MAT2B: variants seen among roughly 807,000 people sequenced by gnomAD.
MAT2B encodes methionine adenosyltransferase 2 subunit beta.
In MAT2B, 16 loss-of-function variants were observed where a neutral mutation model predicts 36.1. That is an observed-to-expected ratio of 0.44 (90% CI 0.30 to 0.67). MAT2B has a LOEUF of 0.67. MAT2B is among the 30% of genes least tolerant of loss of function. The pLI, the probability that MAT2B is intolerant of heterozygous loss-of-function variation, is 0.09. For synonymous variants in MAT2B, 148 were observed against 136.9 expected (o/e 1.08, Z -0.57); for missense variants, 332 against 398.2 (o/e 0.83, Z 1.42).
upstream of MAT2B, chr5:163,503,408 C>T (rs1446462369): frequency 9.9e-6 from 16 of 1,613,964 alleles, no homozygotes; most frequent in Non-Finnish European, 1.4e-5. Context: ...CCTGAAATGC[C>T]AGAGGACATG....
At chr5:163,514,045 C>G (rs772187040) in intron 4 of MAT2B, 51 bp downstream of exon 4, 4 of 1,445,606 alleles carry the variant, frequency 2.8e-6, no homozygotes, top group Non-Finnish European at 3.8e-6. Context: ...CTTTAAAAAT[C>G]ATTTATACAT....
At chr5:163,504,701 C>T (rs1370534323), upstream of MAT2B, among the ~76,000 whole-genome samples, 1 of 152,206 alleles carries the variant, frequency 6.6e-6, no homozygotes, top group African/African-American at 2.4e-5. Context: ...GGCGTCCAGC[C>T]TGGCTGAGGA....
chr5:163,509,169 A>T (rs1253896728), intron 1 of MAT2B, among the ~76,000 whole-genome samples: 1 of 151,656 alleles, frequency 6.6e-6, no homozygotes, highest in Non-Finnish European at 1.5e-5. Context: ...GATTTTTTTT[A>T]AATTCATTTA....
In MAT2B at chr5:163,517,947, G is replaced by T. The variant is rs1760158222; in HGVS notation, c.835-246G>T. 3 of 499,270 alleles carry T rather than the reference G, an allele frequency of 6.0e-6. No individual in the cohort carries two copies. In the East Asian group the frequency reaches 9.2e-5, roughly 15 times the overall value. 30.9% of individuals were successfully genotyped at this position (499,270 alleles called of 1,614,324 possible). A position where few individuals can be genotyped will look rare whatever the true frequency, so the allele number is the denominator to read the frequency against. The stretch of plus-strand genomic sequence containing the variant: ...TTTCTTACACTAAGAGCAAAAATAA[G>T]TAGCAAATATAAAACCTCAAAATGG... On this transcript the variant is annotated intron_variant, in intron 6 of 6. Transcript: ENST00000321757.
chr5:163,518,195 T>TACTG lies in MAT2B; in HGVS notation c.840_843dup (p.Ser282Ter). 6.3e-7 allele frequency: 1 copy of TACTG among 1,586,066 alleles called. No individual in the cohort carries two copies. The highest frequency in any genetic ancestry group is 8.5e-7 in the Non-Finnish European group (1 of 1,169,698). On this transcript the variant is annotated frameshift_variant, in exon 7 of 7. Transcript: ENST00000321757. LOFTEE classifies it high-confidence loss of function. ...TTTGTGTTTATCTTTCTTTAAAGATTACTGACAGCCCTGTCCTAGGAGCAC... is the reference window on the plus strand; with the variant it reads ...TTTGTGTTTATCTTTCTTTAAAGATTACTGACTGACAGCCCTGTCCTAGGAGCAC...
At chr5:163,504,227 C>G (rs374467417), upstream of MAT2B, among the ~76,000 whole-genome samples, 1 of 152,026 alleles carries the variant, frequency 6.6e-6, no homozygotes, top group African/African-American at 2.4e-5. Flanking sequence ...CTCTTCCCGC[C>G]CTCTTCTTTG....
At chr5:163,515,834 G>C (rs1435042167) in intron 4 of MAT2B, among the ~76,000 whole-genome samples, 1 of 131,350 alleles carries the variant, frequency 7.6e-6, no homozygotes, top group East Asian at 2.6e-4. Flanking sequence ...GAGTGCAGTA[G>C]GGTGAACACA....
intron 1 of MAT2B, among the ~76,000 whole-genome samples, chr5:163,511,765 C>G (rs1760049403): frequency 6.6e-6 from 1 of 152,116 alleles, no homozygotes; most frequent in South Asian, 2.1e-4. Context: ...GTTACCCAGG[C>G]TGGTCTCAAG....
At position 163,519,300 on chromosome 5, in the gene MAT2B, GAAATA is replaced by G. The variant is rs1760184368; in HGVS notation, c.*941_*945del. On this transcript the variant is annotated 3_prime_UTR_variant, in exon 7 of 7. Transcript: ENST00000321757. ...AAAAGAATATAGTTTAATATGTATT[GAAATA>G]AAACACAATAAAATTAACACTTGAT... The G allele has an allele frequency of 6.6e-6, 1 of 150,860 alleles. No individual in the cohort carries two copies. Among genetic ancestry groups the G allele is most frequent in the South Asian group, 2.2e-4 (1 of 4,640 alleles). 9.3% of individuals were successfully genotyped at this position (150,860 alleles called of 1,614,324 possible).
upstream of MAT2B, among the ~76,000 whole-genome samples, chr5:163,505,019 TACA>T (rs34181789): frequency 0.031 from 4,707 of 152,262 alleles, 249 homozygotes; most frequent in African/African-American, 0.1. Flanking sequence ...TCCTTCCCCC[TACA>T]ACTTTTTATT....
Position 163,518,490 on chromosome 5 carries a change from G to C in MAT2B, c.*127G>C. On this transcript the variant is annotated 3_prime_UTR_variant, in exon 7 of 7. Transcript: ENST00000321757. ...GACTCTTAGGATCTTTCAGGTAAATGATGCTCTTGCACTAGTGAAATTGTC... is the reference window on the plus strand; with the variant it reads ...GACTCTTAGGATCTTTCAGGTAAATCATGCTCTTGCACTAGTGAAATTGTC... 1 of 723,074 alleles carries C rather than the reference G, an allele frequency of 1.4e-6. No individual in the cohort carries two copies. The highest frequency in any genetic ancestry group is 2.1e-6 in the Non-Finnish European group (1 of 469,782). The allele number at this position is 723,074 out of a possible 1,614,324, so 44.8% of individuals were successfully genotyped here.
chr5:163,508,696 C>T (rs1282226140), intron 1 of MAT2B, among the ~76,000 whole-genome samples: 5 of 151,650 alleles, frequency 3.3e-5, no homozygotes, highest in Admixed American at 2.6e-4. Context: ...CGGCTCACTA[C>T]GACCTCCGCC....
At chr5:163,513,373 A>C in intron 2 of MAT2B, 182 bp from the exon 3 acceptor site, 2 of 517,016 alleles carry the variant, frequency 3.9e-6, no homozygotes, top group Middle Eastern at 5.1e-4. Context: ...AAATATTTTA[A>C]GTTTGAACCT....
chr5:163,512,243 T>C, intron 2 of MAT2B, 47 bp downstream of exon 2: 1 of 1,451,516 alleles, frequency 6.9e-7, no homozygotes, highest in Non-Finnish European at 9.7e-7. Flanking sequence ...TATTAAGAGT[T>C]GTCTGGATGA....
chr5:163,515,222 G>C (rs767164005), intron 4 of MAT2B, among the ~76,000 whole-genome samples: 6 of 152,154 alleles, frequency 3.9e-5, no homozygotes, highest in Admixed American at 6.5e-5. Flanking sequence ...AAGTTCTCTT[G>C]TCATGTAATT....
Position 163,513,680 on chromosome 5 carries a change from C to T in MAT2B, c.373+11C>T, listed in dbSNP as rs1242117723. The T allele has an allele frequency of 1.3e-6, 2 of 1,596,860 alleles. No individual in the cohort carries two copies. The highest frequency in any genetic ancestry group is 1.1e-5 in the South Asian group (1 of 89,820). On this transcript the variant is annotated intron_variant, in intron 3 of 6. Coordinates refer to ENST00000321757, the MANE Select transcript of MAT2B (RefSeq NM_013283.5). The stretch of plus-strand genomic sequence containing the variant: ...TAGCAAAGGAAGCAGGTAATGATGA[C>T]TTTATAAAATTTTCATAAAATATTA...
At chr5:163,513,812 A>G (rs778000635) in intron 3 of MAT2B, 30 bp from the exon 4 acceptor site, 165 of 1,593,338 alleles carry the variant, frequency 1.0e-4, no homozygotes, top group Non-Finnish European at 1.4e-4. Context: ...TCATGTAAAC[A>G]TTTAATAGAT....
intron 1 of MAT2B, among the ~76,000 whole-genome samples, chr5:163,511,509 C>T (rs1459968492): frequency 7.4e-6 from 1 of 135,680 alleles, no homozygotes; most frequent in African/African-American, 2.8e-5. Context: ...TCTCGAACTC[C>T]TGGGCTCAAG....
At chr5:163,506,417 T>C (rs1759938919) in intron 1 of MAT2B, among the ~76,000 whole-genome samples, 2 of 152,156 alleles carry the variant, frequency 1.3e-5, no homozygotes, top group African/African-American at 2.4e-5. Context: ...ATGGTGATGA[T>C]TGGAAGATCC....
Sources: allele counts gnomAD v4.1 joint callset (sites outside exome capture counted in the v4.1 genomes callset), GRCh38; gene constraint gnomAD v4.1.1; transcripts MANE v1.5; gene names NCBI Gene and HGNC (gene_info 2026-07-23, HGNC 2026-07-21).